The following MDGA2 variants were observed in gnomAD, a reference collection of about 807,000 sequenced individuals.
MDGA2 encodes MAM domain containing glycosylphosphatidylinositol anchor 2, also known as MAM domain-containing glycosylphosphatidylinositol anchor protein 2.
MDGA2 carries 40 observed loss-of-function variants against 117.8 expected under a neutral mutation model. That is an observed-to-expected ratio of 0.34 (90% CI 0.26 to 0.44). MDGA2 has a LOEUF of 0.44. Ranked by LOEUF, MDGA2 falls within the 20% of genes least tolerant of loss-of-function variation. The pLI is 1.00. For synonymous variants in MDGA2, 452 were observed against 439.0 expected (o/e 1.03, Z -0.37); for missense variants, 1,123 against 1,250.6 (o/e 0.90, Z 1.54).
chr14:47,212,781 C>A (rs982617240), intron 3 of MDGA2, among the ~76,000 whole-genome samples: 1 of 152,152 alleles, frequency 6.6e-6, no homozygotes, highest in Non-Finnish European at 1.5e-5. Flanking sequence ...GATTACATTT[C>A]ATTTCATATA....
At chr14:46,950,716 GAT>G (rs1382465140) in intron 9 of MDGA2, among the ~76,000 whole-genome samples, 3 of 151,692 alleles carry the variant, frequency 2.0e-5, no homozygotes, top group African/African-American at 7.3e-5. Context: ...TCTTACTTCT[GAT>G]AGTTATTAAT....
In MDGA2 at chr14:47,301,518, A is replaced by G; in HGVS notation, c.313T>C (p.Leu105=). The change falls in exon 2 of 17, where the codon TTG becomes CTG. Residue 105 remains leucine, a synonymous_variant. Transcript: ENST00000399232. ...CGCTCCTCTTCAATGTTACAGGCCAAGCCTGAGTGCACAATACGAACCGTG... is the reference window on the plus strand; with the variant it reads ...CGCTCCTCTTCAATGTTACAGGCCAGGCCTGAGTGCACAATACGAACCGTG... ...PPTVRIVHSG[L]ACNIEEERYS... 1 of 1,551,706 alleles carries G rather than the reference A, an allele frequency of 6.4e-7. No homozygotes were observed. Among genetic ancestry groups the G allele is most frequent in the Non-Finnish European group, 8.7e-7 (1 of 1,146,982 alleles).
intron 1 of MDGA2, among the ~76,000 whole-genome samples, chr14:47,401,969 A>G (rs1019014997): frequency 1.3e-5 from 2 of 152,236 alleles, no homozygotes; most frequent in Non-Finnish European, 2.9e-5. Flanking sequence ...TGGCTTTAGG[A>G]CATGGGATCT....
At chr14:47,387,174 ATC>A (rs1262794668) in intron 1 of MDGA2, among the ~76,000 whole-genome samples, 2 of 152,028 alleles carry the variant, frequency 1.3e-5, no homozygotes, top group Admixed American at 6.6e-5. Flanking sequence ...AACGTTAAGG[ATC>A]TCTCTAACAT....
intron 5 of MDGA2, among the ~76,000 whole-genome samples, chr14:47,104,285 A>G (rs561966814): frequency 1.8e-4 from 27 of 151,910 alleles, no homozygotes; most frequent in South Asian, 1.7e-3. Flanking sequence ...AAGAATCACA[A>G]AACAAGTGAA....
At chr14:47,327,613 C>CT (rs1370384968) in intron 1 of MDGA2, among the ~76,000 whole-genome samples, 1 of 152,152 alleles carries the variant, frequency 6.6e-6, no homozygotes. Flanking sequence ...CTTCCTGGCT[C>CT]TTAGAATTGC....
At chr14:47,224,260 C>T (rs903225277) in intron 2 of MDGA2, among the ~76,000 whole-genome samples, 39 of 100,078 alleles carry the variant, frequency 3.9e-4, no homozygotes, top group African/African-American at 1.2e-3. Context: ...TTATTTCAGG[C>T]CTATTCAATT....
At chr14:47,022,306 T>C (rs1340488411) in intron 8 of MDGA2, among the ~76,000 whole-genome samples, 3 of 152,128 alleles carry the variant, frequency 2.0e-5, no homozygotes, top group African/African-American at 7.2e-5. Context: ...CTCGAACTTC[T>C]GGACTCAAGC....
chr14:47,015,300 C>T (rs1468458533), intron 8 of MDGA2, among the ~76,000 whole-genome samples: 1 of 142,426 alleles, frequency 7.0e-6, no homozygotes, highest in African/African-American at 2.6e-5. Flanking sequence ...GACATGGAGA[C>T]ATAAAGTGAG....
chr14:47,370,526 T>TGTGTGTGTG (rs58683887), intron 1 of MDGA2, among the ~76,000 whole-genome samples: 4 of 136,034 alleles, frequency 2.9e-5, no homozygotes, highest in Admixed American at 7.9e-5. Context: ...TGTGTGTGTG[T>TGTGTGTGTG]TTAAGATTTT....
At position 47,155,972 on chromosome 14, in the gene MDGA2, C is replaced by T. The variant is rs944739271; in HGVS notation, c.596-11698G>A. On this transcript the variant is annotated intron_variant, in intron 3 of 16. Transcript: ENST00000399232. ...TCACCCAGGCTGGAGAGCAGTGGCG[C>T]GATCTCGGCTCACTGCAACCTCCGC... Among the ~76,000 whole-genome samples the T allele has an allele frequency of 1.7e-4, 22 of 131,542 alleles. No individual in the cohort carries two copies. In the Admixed American group the frequency reaches 1.7e-3, roughly 10 times the overall value. The allele number at this position is 131,542 out of a possible 152,430, so 86.3% of individuals were successfully genotyped here.
At chr14:47,128,118 T>C (rs1881996226) in intron 5 of MDGA2, among the ~76,000 whole-genome samples, 1 of 152,140 alleles carries the variant, frequency 6.6e-6, no homozygotes, top group South Asian at 2.1e-4. Context: ...TATAATTTTA[T>C]TGGTTATCTT....
chr14:47,402,336 G>GAA (rs1892169115), intron 1 of MDGA2, among the ~76,000 whole-genome samples: 1 of 23,626 alleles, frequency 4.2e-5, no homozygotes, highest in African/African-American at 2.3e-4. Flanking sequence ...AGAAACCCCC[G>GAA]CCCCCCCACC....
At chr14:47,475,925 T>G (rs1029996895) in intron 1 of MDGA2, among the ~76,000 whole-genome samples, 1 of 152,198 alleles carries the variant, frequency 6.6e-6, no homozygotes. Context: ...TTGACATGTT[T>G]GTGCAGCAAA....
intron 1 of MDGA2, among the ~76,000 whole-genome samples, chr14:47,608,264 CTT>C (rs1170926275): frequency 6.6e-6 from 1 of 152,100 alleles, no homozygotes; most frequent in Non-Finnish European, 1.5e-5. Context: ...TTTATTAAGA[CTT>C]TTCCACTTTT....
intron 10 of MDGA2, among the ~76,000 whole-genome samples, chr14:46,897,300 C>T (rs1883112844): frequency 6.6e-6 from 1 of 151,994 alleles, no homozygotes; most frequent in African/African-American, 2.4e-5. Flanking sequence ...CTGCATATTC[C>T]TGTCAGTTTC....
chr14:47,241,421 T>A (rs1887036308), intron 2 of MDGA2, among the ~76,000 whole-genome samples: 1 of 151,894 alleles, frequency 6.6e-6, no homozygotes. Context: ...ATCTTTTCCA[T>A]TAAAATGTCA....
chr14:47,584,581 G>C (rs543566112), intron 1 of MDGA2, among the ~76,000 whole-genome samples: 87 of 151,716 alleles, frequency 5.7e-4, no homozygotes, highest in Non-Finnish European at 1.1e-3. Flanking sequence ...CTATGGCACT[G>C]ATTCAGAAAT....
chr14:46,995,478 T>C (rs1887254067), intron 8 of MDGA2, among the ~76,000 whole-genome samples: 1 of 152,184 alleles, frequency 6.6e-6, no homozygotes, highest in South Asian at 2.1e-4. Context: ...TTTAGGAAGT[T>C]AATGAATTAC....
Sources: gnomAD v4.1 joint callset for allele counts (sites outside exome capture counted in the v4.1 genomes callset) on GRCh38, gnomAD v4.1.1 for gene constraint, MANE v1.5 for transcripts, NCBI Gene and HGNC (gene_info 2026-07-23, HGNC 2026-07-21) for gene names.